Variants in SLCO3A1 observed in about 807,000 individuals in gnomAD.
The protein encoded by SLCO3A1 is solute carrier organic anion transporter family member 3A1, also known as PGE1 transporter.
In SLCO3A1, 27 loss-of-function variants were observed where a neutral mutation model predicts 63.1. That is an observed-to-expected ratio of 0.43 (90% CI 0.32 to 0.59). The LOEUF is 0.59. Among genes scored for constraint, SLCO3A1 ranks in the 20% least tolerant of loss-of-function variants. SLCO3A1 has a pLI of 0.09. For synonymous variants in SLCO3A1, 473 were observed against 409.9 expected (o/e 1.15, Z -1.86); for missense variants, 773 against 945.8 (o/e 0.82, Z 2.40).
intron 2 of SLCO3A1, among the ~76,000 whole-genome samples, chr15:92,064,848 G>A (rs2047130081): frequency 6.6e-6 from 1 of 152,192 alleles, no homozygotes; most frequent in Non-Finnish European, 1.5e-5. Flanking sequence ...TAGAATGATG[G>A]TTACCAGCAG....
chr15:92,139,601 G>C (rs2048102461), intron 7 of SLCO3A1, among the ~76,000 whole-genome samples: 1 of 152,046 alleles, frequency 6.6e-6, no homozygotes, highest in South Asian at 2.1e-4. Flanking sequence ...GAATCCATCT[G>C]GTTCTGGACT....
At chr15:92,145,961 C>T (rs2048216190) in intron 7 of SLCO3A1, among the ~76,000 whole-genome samples, 1 of 126,188 alleles carries the variant, frequency 7.9e-6, no homozygotes, top group Non-Finnish European at 1.7e-5. Context: ...ATCAGAAAAC[C>T]CTATCTCTGT....
chr15:91,958,227 A>G (rs1461806275), intron 2 of SLCO3A1, among the ~76,000 whole-genome samples: 1 of 152,204 alleles, frequency 6.6e-6, no homozygotes, highest in Non-Finnish European at 1.5e-5. Flanking sequence ...TATCACTATT[A>G]GTAGTTAAGT....
chr15:92,048,053 C>T (rs1430254258), intron 2 of SLCO3A1, among the ~76,000 whole-genome samples: 1 of 152,106 alleles, frequency 6.6e-6, no homozygotes, highest in Non-Finnish European at 1.5e-5. Flanking sequence ...TGCCTGGAGT[C>T]CTGGACTGCC....
At chr15:92,149,688 A>G in intron 8 of SLCO3A1, 1 of 152,226 alleles carries the variant, frequency 6.6e-6, no homozygotes, top group Non-Finnish European at 1.5e-5. Context: ...ACTCAAGCCA[A>G]GAAGGATTCT....
At chr15:92,123,281 C>T (rs2047884468) in intron 5 of SLCO3A1, among the ~76,000 whole-genome samples, 1 of 152,016 alleles carries the variant, frequency 6.6e-6, no homozygotes, top group African/African-American at 2.4e-5. Context: ...AAAAATTAGG[C>T]GTGTCATCCC....
intron 4 of SLCO3A1, among the ~76,000 whole-genome samples, chr15:92,118,798 A>G (rs942222276): frequency 1.3e-5 from 2 of 151,182 alleles, no homozygotes; most frequent in Non-Finnish European, 2.9e-5. Flanking sequence ...CTGTTTGCAT[A>G]GGTGGAAACA....
At chr15:92,048,639 A>G (rs1023886645) in intron 2 of SLCO3A1, among the ~76,000 whole-genome samples, 2 of 152,122 alleles carry the variant, frequency 1.3e-5, no homozygotes, top group Non-Finnish European at 2.9e-5. Flanking sequence ...CTCTCCCTGC[A>G]TTAGGAACCA....
At chr15:92,041,012 A>G (rs2046790374) in intron 2 of SLCO3A1, among the ~76,000 whole-genome samples, 1 of 151,954 alleles carries the variant, frequency 6.6e-6, no homozygotes, top group African/African-American at 2.4e-5. Flanking sequence ...GACCCATCTG[A>G]CCTCAGACTT....
chr15:92,004,367 T>C (rs1889872918), intron 2 of SLCO3A1, among the ~76,000 whole-genome samples: 1 of 152,214 alleles, frequency 6.6e-6, no homozygotes, highest in Non-Finnish European at 1.5e-5. Context: ...AGTGAGATAA[T>C]GTATGCAGGG....
chr15:92,079,781 G>C (rs1596081332), intron 2 of SLCO3A1, among the ~76,000 whole-genome samples: 1 of 152,384 alleles, frequency 6.6e-6, no homozygotes, highest in Non-Finnish European at 1.5e-5. Flanking sequence ...TCCTGCTGTT[G>C]CTAAGTTGTC....
At chr15:91,969,822 G>A (rs1049610485) in intron 2 of SLCO3A1, among the ~76,000 whole-genome samples, 2 of 152,122 alleles carry the variant, frequency 1.3e-5, no homozygotes, top group Non-Finnish European at 2.9e-5. Flanking sequence ...TTTCCTGGTG[G>A]CGGGGGCTGG....
chr15:92,044,055 T>C (rs2046830679), intron 2 of SLCO3A1, among the ~76,000 whole-genome samples: 1 of 152,198 alleles, frequency 6.6e-6, no homozygotes, highest in Non-Finnish European at 1.5e-5. Context: ...TCTCTCCTAC[T>C]CTTGCCGTAA....
intron 2 of SLCO3A1, among the ~76,000 whole-genome samples, chr15:92,091,040 C>T (rs909942058): frequency 1.3e-5 from 2 of 152,152 alleles, no homozygotes; most frequent in Non-Finnish European, 2.9e-5. Context: ...TGGACTTTTC[C>T]CTTAGGGGGT....
chr15:91,939,714 C>T (rs888313597), intron 2 of SLCO3A1, among the ~76,000 whole-genome samples: 7 of 152,258 alleles, frequency 4.6e-5, no homozygotes, highest in Admixed American at 1.3e-4. Context: ...GACTCTTTCC[C>T]GTCAGTCTTT....
In SLCO3A1 at chr15:91,854,120, C is replaced by T. The variant is rs374471894; in HGVS notation, c.180+32C>T. On this transcript the variant is annotated intron_variant, in intron 1 of 9. Coordinates refer to ENST00000318445, the MANE Select transcript of SLCO3A1 (RefSeq NM_013272.4). This position sits in a 1 kb window ranked among gnomAD's most constrained non-coding sequence, Gnocchi z 6.4. ...CCCCGAGCCAACTCCGCCGCGGGCC[C>T]CTTCCCCAGCCCGGCTCTCGAGCGG... 9.8e-4 allele frequency: 1,404 copies of T among 1,432,930 alleles called. 13 individuals are homozygous for T. The African/African-American group carries it at 0.019, about 19-fold the overall frequency. 88.8% of individuals were successfully genotyped at this position (1,432,930 alleles called of 1,614,324 possible). A position where few individuals can be genotyped will look rare whatever the true frequency, so the allele number is the denominator to read the frequency against.
chr15:91,940,659 A>C (rs185720503), intron 2 of SLCO3A1, among the ~76,000 whole-genome samples: 36 of 152,258 alleles, frequency 2.4e-4, no homozygotes, highest in Non-Finnish European at 5.0e-4. Context: ...TCACATGCTC[A>C]TGTGAGTCGA....
intron 4 of SLCO3A1, among the ~76,000 whole-genome samples, chr15:92,119,038 C>T (rs995685467): frequency 1.2e-4 from 18 of 152,180 alleles, no homozygotes; most frequent in Non-Finnish European, 5.9e-5. Context: ...TTCGATGTAT[C>T]AGCTGTATTT....
chr15:91,861,102 G>A (rs759908483), intron 1 of SLCO3A1, among the ~76,000 whole-genome samples: 4 of 152,166 alleles, frequency 2.6e-5, no homozygotes, highest in African/African-American at 4.8e-5. Flanking sequence ...TATGTTTTAG[G>A]TGAGTTTTTA....
Sources: allele counts gnomAD v4.1 joint callset (sites outside exome capture counted in the v4.1 genomes callset), GRCh38; gene constraint gnomAD v4.1.1; non-coding constraint Gnocchi (gnomAD v3.1); transcripts MANE v1.5; gene names NCBI Gene and HGNC (gene_info 2026-07-23, HGNC 2026-07-21).